Variants in IGSF3 observed in about 807,000 individuals in gnomAD.
IGSF3 encodes the protein glu-Trp-Ile EWI motif-containing protein 3.
In IGSF3, 23 loss-of-function variants were observed where a neutral mutation model predicts 114.4. The observed-to-expected ratio is 0.20, with a 90% confidence interval of 0.14 to 0.28. The LOEUF is 0.28. Ranked by LOEUF, IGSF3 falls within the 10% of genes least tolerant of loss-of-function variation. The probability of loss-of-function intolerance (pLI) is 1.00; values close to 1 mark genes in which losing one functional copy is unlikely to be tolerated. For missense variants in IGSF3, 1,172 were observed against 1,591.5 expected (o/e 0.74, Z 4.48); for synonymous variants, 571 against 645.2 (o/e 0.88, Z 1.74).
At chr1:116,653,896 G>A (rs761446280) in intron 2 of IGSF3, among the ~76,000 whole-genome samples, 4 of 152,224 alleles carry the variant, frequency 2.6e-5, no homozygotes, top group Non-Finnish European at 4.4e-5. Context: ...ACTGGGCAGC[G>A]TGCTCAGAAT....
intron 2 of IGSF3, among the ~76,000 whole-genome samples, chr1:116,643,929 G>T (rs1008998038): frequency 6.6e-6 from 1 of 152,180 alleles, no homozygotes; most frequent in African/African-American, 2.4e-5. Context: ...AGGCGAGTTT[G>T]CCAGCCAGTC....
rs1342359782 is a variant in IGSF3, at chr1:116,592,999, A to C, written c.2030-3895T>G. 6.6e-6 allele frequency among the ~76,000 whole-genome samples: 1 copy of C among 152,210 alleles called. No homozygotes were observed. The highest frequency in any genetic ancestry group is 2.4e-5 in the African/African-American group (1 of 41,446). On this transcript the variant is annotated intron_variant, in intron 7 of 10. Transcript: ENST00000369486. The surrounding 1 kb of genome is among the most constrained non-coding windows in gnomAD (Gnocchi z 4.5). ...GCCAGAGAGAGGGGACAAGAGGAAA[A>C]AGATGACAACTACCCTGTGCACTCT... is the stretch of plus-strand genomic sequence containing the variant.
At position 116,632,399 on chromosome 1, in the gene IGSF3, CAT is replaced by C. The variant is rs1365586003; in HGVS notation, c.44-15944_44-15943del. On this transcript the variant is annotated intron_variant, in intron 2 of 10. Coordinates refer to ENST00000369486, the MANE Select transcript of IGSF3 (RefSeq NM_001007237.3). The surrounding 1 kb of genome is among the most constrained non-coding windows in gnomAD (Gnocchi z 5.1). ...TGCTAGCATCTCTCAGCTAGACTGT[CAT>C]TGGATGGTGACATTCCCCAGGACTC... Among the ~76,000 whole-genome samples, 1 of 152,132 alleles carries C rather than the reference CAT, an allele frequency of 6.6e-6. No homozygotes were observed. Among genetic ancestry groups the C allele is most frequent in the Non-Finnish European group, 1.5e-5 (1 of 68,028 alleles).
chr1:116,635,739 G>C (rs1647797431), intron 2 of IGSF3, among the ~76,000 whole-genome samples: 2 of 152,202 alleles, frequency 1.3e-5, no homozygotes, highest in Admixed American at 6.5e-5. Flanking sequence ...TCTGGTTATG[G>C]GGTCTCTGGT....
At chr1:116,608,704 C>T (rs1169897647) in intron 4 of IGSF3, among the ~76,000 whole-genome samples, 1 of 152,058 alleles carries the variant, frequency 6.6e-6, no homozygotes, top group Non-Finnish European at 1.5e-5. Context: ...GATATATGCA[C>T]CCAGAACTCT....
rs1044087577 is a variant in IGSF3, at chr1:116,627,296, T to C, written c.44-10839A>G. Reference sequence around the variant, plus strand: ...AGCATACATTTCACAGCAATTACTGTTGCTATTATTTTACGCTTCATTTCT... The same window carrying C: ...AGCATACATTTCACAGCAATTACTGCTGCTATTATTTTACGCTTCATTTCT... On this transcript the variant is annotated intron_variant, in intron 2 of 10. Transcript: ENST00000369486. This position sits in a 1 kb window ranked among gnomAD's most constrained non-coding sequence, Gnocchi z 4.7. Among the ~76,000 whole-genome samples the C allele has an allele frequency of 6.6e-6, 1 of 152,202 alleles. No individual in the cohort carries two copies. The highest frequency in any genetic ancestry group is 2.4e-5 in the African/African-American group (1 of 41,444).
In IGSF3 at chr1:116,608,027, A is replaced by G; in HGVS notation, c.1137T>C (p.Thr379=). ...EDSGKYNCRV[T]EREKTVTGEF... Reference sequence around the variant, plus strand: ...CCCCGGTCACGGTTTTCTCTCGCTCAGTCACCCGGCAGTTGTATTTCCCGC... The same window carrying G: ...CCCCGGTCACGGTTTTCTCTCGCTCGGTCACCCGGCAGTTGTATTTCCCGC... The change falls in exon 5 of 11, where the codon ACT becomes ACC. Residue 379 remains threonine (T), a synonymous_variant. Coordinates refer to ENST00000369486, the MANE Select transcript of IGSF3 (RefSeq NM_001007237.3). The G allele has an allele frequency of 6.2e-7, 1 of 1,613,902 alleles. No homozygotes were observed. The highest frequency in any genetic ancestry group is 8.5e-7 in the Non-Finnish European group (1 of 1,179,796).
Position 116,596,238 on chromosome 1 carries a change from A to G in IGSF3, c.2029+3703T>C, listed in dbSNP as rs1332218824. On this transcript the variant is annotated intron_variant, in intron 7 of 10. Coordinates refer to ENST00000369486, the MANE Select transcript of IGSF3 (RefSeq NM_001007237.3). This position sits in a 1 kb window ranked among gnomAD's most constrained non-coding sequence, Gnocchi z 4.1. ...GATGGTAAACAGACCAGCATGAGTG[A>G]GTCAACAGTCCCTGGGTTCCTATTT... Among the ~76,000 whole-genome samples the G allele has an allele frequency of 5.3e-5, 8 of 152,354 alleles. No individual in the cohort carries two copies. The highest frequency in any genetic ancestry group is 1.9e-4 in the African/African-American group (8 of 41,586).
At chr1:116,609,425 T>G (rs1354972865) in intron 4 of IGSF3, among the ~76,000 whole-genome samples, 2 of 151,910 alleles carry the variant, frequency 1.3e-5, no homozygotes, top group African/African-American at 2.4e-5. Flanking sequence ...TAACCAGGCA[T>G]GAGGGGGTGA....
intron 2 of IGSF3, among the ~76,000 whole-genome samples, chr1:116,637,733 G>A (rs534997061): frequency 6.6e-6 from 1 of 152,308 alleles, no homozygotes; most frequent in South Asian, 2.1e-4. Flanking sequence ...AACAGGGCCA[G>A]ACCATCAGTC....
intron 2 of IGSF3, among the ~76,000 whole-genome samples, chr1:116,630,013 A>G (rs1647485834): frequency 6.6e-6 from 1 of 152,248 alleles, no homozygotes; most frequent in Non-Finnish European, 1.5e-5. Context: ...AAGTTTAGGC[A>G]TTAACATGCA....
At chr1:116,630,226 A>C (rs1214837961) in intron 2 of IGSF3, among the ~76,000 whole-genome samples, 3 of 152,218 alleles carry the variant, frequency 2.0e-5, no homozygotes, top group Non-Finnish European at 4.4e-5. Context: ...GATGCTGTTA[A>C]GGGGCTCTCC....
intron 2 of IGSF3, among the ~76,000 whole-genome samples, chr1:116,623,939 T>A (rs1333303276): frequency 6.7e-6 from 1 of 150,032 alleles, no homozygotes; most frequent in Non-Finnish European, 1.5e-5. Context: ...TACAAAAATT[T>A]AGCCCAGCAT....
At chr1:116,602,171 G>A (rs1660619155) in intron 6 of IGSF3, among the ~76,000 whole-genome samples, 1 of 152,204 alleles carries the variant, frequency 6.6e-6, no homozygotes, top group Non-Finnish European at 1.5e-5. Context: ...CAGTGGTGGA[G>A]ATCAGGTGAA....
At chr1:116,645,759 T>C (rs1291751283) in intron 2 of IGSF3, among the ~76,000 whole-genome samples, 1 of 152,228 alleles carries the variant, frequency 6.6e-6, no homozygotes, top group Non-Finnish European at 1.5e-5. Context: ...CTGTTTTCTT[T>C]CCTCAGTGTG....
chr1:116,658,867 CA>C (rs2101082787), intron 2 of IGSF3, among the ~76,000 whole-genome samples: 1 of 152,292 alleles, frequency 6.6e-6, no homozygotes, highest in South Asian at 2.1e-4. Context: ...TGTCCATTTG[CA>C]AATTGATTGA....
rs1647414890 is a variant in IGSF3 at position 116,628,614 on chromosome 1, C to T, written c.44-12157G>A. On this transcript the variant is annotated intron_variant, in intron 2 of 10. Transcript: ENST00000369486. This position sits in a 1 kb window ranked among gnomAD's most constrained non-coding sequence, Gnocchi z 4.2. ...GGCAGGCACCCTGAAATATGTCTAG[C>T]ATACTCATAAAGCATGAACATCTAC... is the stretch of plus-strand genomic sequence containing the variant. Among the ~76,000 whole-genome samples the T allele has an allele frequency of 1.3e-5, 2 of 151,728 alleles. No individual in the cohort carries two copies. The highest frequency in any genetic ancestry group is 2.9e-5 in the Non-Finnish European group (2 of 67,914).
intron 7 of IGSF3, among the ~76,000 whole-genome samples, chr1:116,590,513 G>A (rs1237793697): frequency 6.6e-6 from 1 of 152,208 alleles, no homozygotes; most frequent in East Asian, 1.9e-4. Flanking sequence ...AAGAAAGCAG[G>A]GGCAAGGTGC....
chr1:116,588,970 G>T lies in IGSF3; in HGVS notation c.2164C>A (p.Pro722Thr). Residue 722 changes from proline to threonine, a missense_variant, in exon 8 of 11, where the codon CCC becomes ACC. By Grantham distance (38) the Pro-to-Thr change is conservative. This residue lies in a region of IGSF3 where 736 missense variants were observed against 1,042.0 expected (regional missense o/e 0.71). Coordinates refer to ENST00000369486, the MANE Select transcript of IGSF3 (RefSeq NM_001007237.3). The surrounding 1 kb of genome is among the most constrained non-coding windows in gnomAD (Gnocchi z 4.9). ...ATAAGCTTGCCATCGGCATCCGAGG[G>T]CTTGTGGACATACCAGAGCACCGCA... Reference protein sequence around the residue: ...HFAVLWYVHKPSDADGKLILK... With the variant: ...HFAVLWYVHKTSDADGKLILK... 2 of 1,614,246 alleles carry T rather than the reference G, an allele frequency of 1.2e-6. No homozygotes were observed. The highest frequency in any genetic ancestry group is 1.7e-6 in the Non-Finnish European group (2 of 1,180,042).
Sources: gnomAD v4.1 joint callset for allele counts (sites outside exome capture counted in the v4.1 genomes callset) on GRCh38, gnomAD v4.1.1 for gene constraint, gnomAD v4.1.1 regional missense constraint, Gnocchi (gnomAD v3.1) non-coding constraint, MANE v1.5 for transcripts, NCBI Gene and HGNC (gene_info 2026-07-23, HGNC 2026-07-21) for gene names.